The following THSD7B variants were observed in gnomAD, a reference collection of about 807,000 sequenced individuals.
THSD7B encodes thrombospondin type 1 domain containing 7B.
Under a neutral mutation model 213.6 loss-of-function variants are expected in THSD7B, and 138 were observed. The observed-to-expected ratio is 0.65, with a 90% CI of 0.56 to 0.74. The LOEUF (loss-of-function observed/expected upper bound fraction) is 0.74, where lower values mean the gene tolerates loss of function less well. Among genes scored for constraint, THSD7B ranks in the 30% least tolerant of loss-of-function variants. THSD7B has a pLI of 0.00. For missense variants in THSD7B, 1,931 were observed against 1,991.5 expected (o/e 0.97, Z 0.58); for synonymous variants, 742 against 687.0 (o/e 1.08, Z -1.25).
intron 12 of THSD7B, among the ~76,000 whole-genome samples, chr2:137,362,460 C>A (rs548177805): frequency 2.8e-4 from 43 of 152,166 alleles, no homozygotes; most frequent in African/African-American, 1.0e-3. Context: ...AGAGTCAAGA[C>A]CCATCAGTGC....
chr2:136,922,318 A>G (rs561671898), intron 2 of THSD7B, among the ~76,000 whole-genome samples: 20 of 152,312 alleles, frequency 1.3e-4, no homozygotes, highest in African/African-American at 4.8e-4. Flanking sequence ...TCTGCACCTG[A>G]TTCCAATGGG....
chr2:137,247,489 C>T (rs1439655492), intron 10 of THSD7B, among the ~76,000 whole-genome samples: 1 of 152,048 alleles, frequency 6.6e-6, no homozygotes, highest in African/African-American at 2.4e-5. Context: ...AGTTACTAGA[C>T]TGAAGATAAA....
chr2:137,148,867 T>C (rs1224121403), intron 5 of THSD7B, among the ~76,000 whole-genome samples: 1 of 152,172 alleles, frequency 6.6e-6, no homozygotes, highest in Non-Finnish European at 1.5e-5. Context: ...AACCCCATTT[T>C]GGGGTAAGAA....
chr2:137,635,344 T>C (rs1007320800), intron 20 of THSD7B, among the ~76,000 whole-genome samples: 1 of 152,176 alleles, frequency 6.6e-6, no homozygotes, highest in Non-Finnish European at 1.5e-5. Context: ...CATGCAGTTA[T>C]TGAAAAACAT....
At chr2:137,152,965 A>C (rs998187483) in intron 5 of THSD7B, among the ~76,000 whole-genome samples, 2 of 152,170 alleles carry the variant, frequency 1.3e-5, no homozygotes, top group Non-Finnish European at 2.9e-5. Flanking sequence ...TCACTTCATG[A>C]ACTGTATAAG....
At chr2:136,941,928 G>A (rs944332094) in intron 2 of THSD7B, among the ~76,000 whole-genome samples, 2 of 152,086 alleles carry the variant, frequency 1.3e-5, no homozygotes, top group Admixed American at 6.6e-5. Context: ...GCCCATGCCT[G>A]TGTCCTGAAA....
chr2:136,816,248 A>C (rs903155574), intron 1 of THSD7B, among the ~76,000 whole-genome samples: 3 of 152,264 alleles, frequency 2.0e-5, no homozygotes, highest in Admixed American at 2.0e-4. Flanking sequence ...CATTCTTTTT[A>C]GAGTTTATTC....
chr2:136,907,284 T>C (rs1399447177), intron 2 of THSD7B, among the ~76,000 whole-genome samples: 1 of 152,124 alleles, frequency 6.6e-6, no homozygotes, highest in South Asian at 2.1e-4. Context: ...CAATAAGAAC[T>C]GTCAAAAACA....
chr2:137,259,191 G>T (rs1268500025), intron 10 of THSD7B, among the ~76,000 whole-genome samples: 2 of 152,126 alleles, frequency 1.3e-5, no homozygotes, highest in East Asian at 3.9e-4. Context: ...AATCCTTTGG[G>T]TATATACCCA....
intron 2 of THSD7B, among the ~76,000 whole-genome samples, chr2:137,030,337 A>G (rs1301288384): frequency 6.6e-6 from 1 of 152,216 alleles, no homozygotes; most frequent in African/African-American, 2.4e-5. Context: ...GATATGGAGT[A>G]TGAGACTAAG....
chr2:137,247,881 T>A (rs1682075630), intron 10 of THSD7B, among the ~76,000 whole-genome samples: 1 of 152,190 alleles, frequency 6.6e-6, no homozygotes, highest in South Asian at 2.1e-4. Flanking sequence ...AAACTTGCTG[T>A]GTTTCAATTT....
chr2:137,404,474 T>TATATATACACACAC (rs1306580538), intron 12 of THSD7B, among the ~76,000 whole-genome samples: 2 of 40,262 alleles, frequency 5.0e-5, no homozygotes, highest in African/African-American at 2.7e-4. Context: ...TATATATATA[T>TATATATACACACAC]ACACACACAC....
intron 10 of THSD7B, among the ~76,000 whole-genome samples, chr2:137,269,007 G>A (rs1196935358): frequency 6.6e-6 from 1 of 152,052 alleles, no homozygotes; most frequent in Admixed American, 6.5e-5. Flanking sequence ...TGCTAAATAT[G>A]TCCATTGCAA....
intron 4 of THSD7B, among the ~76,000 whole-genome samples, chr2:137,109,755 T>TTGCTCATCTGC (rs61403356): frequency 0.54 from 81,883 of 151,666 alleles, 24,539 homozygotes; most frequent in Non-Finnish European, 0.66. Context: ...GAAGCTTCAC[T>TTGCTCATCTGC]TGCTCACCTG....
At chr2:137,362,241 C>T (rs1047416453) in intron 12 of THSD7B, among the ~76,000 whole-genome samples, 60 of 152,260 alleles carry the variant, frequency 3.9e-4, no homozygotes, top group African/African-American at 1.3e-3. Context: ...AAGCACTAAA[C>T]GTGGAAAGTA....
At chr2:137,308,978 C>CT (rs1387982586) in intron 12 of THSD7B, among the ~76,000 whole-genome samples, 15 of 152,074 alleles carry the variant, frequency 9.9e-5, no homozygotes, top group Non-Finnish European at 1.9e-4. Context: ...TGAACTACAA[C>CT]TTTGTCCATT....
chr2:137,134,357 G>T (rs1470060684), intron 5 of THSD7B, among the ~76,000 whole-genome samples: 1 of 152,106 alleles, frequency 6.6e-6, no homozygotes, highest in Non-Finnish European at 1.5e-5. Flanking sequence ...TAGCACAGTT[G>T]ATTCCCTTCT....
intron 1 of THSD7B, among the ~76,000 whole-genome samples, chr2:136,806,843 T>C (rs1682291312): frequency 6.6e-6 from 1 of 152,248 alleles, no homozygotes; most frequent in South Asian, 2.1e-4. Context: ...TAGGCTTCTC[T>C]GGATGGTGAT....
intron 1 of THSD7B, among the ~76,000 whole-genome samples, chr2:136,864,221 T>C (rs1290962229): frequency 6.6e-6 from 1 of 152,220 alleles, no homozygotes; most frequent in Non-Finnish European, 1.5e-5. Flanking sequence ...CAGATACTTA[T>C]TAAGTGCTCA....
Sources: gnomAD v4.1 joint callset for allele counts (sites outside exome capture counted in the v4.1 genomes callset) on GRCh38, gnomAD v4.1.1 for gene constraint, MANE v1.5 for transcripts, NCBI Gene and HGNC (gene_info 2026-07-23, HGNC 2026-07-21) for gene names.